The following FGFR3 variants were observed in gnomAD, a reference collection of about 807,000 sequenced individuals.
The protein encoded by FGFR3 is FGFR-3.
In FGFR3, 25 loss-of-function variants were observed where a neutral mutation model predicts 82.9. The observed-to-expected ratio is 0.30, with a 90% confidence interval of 0.22 to 0.42. The LOEUF (loss-of-function observed/expected upper bound fraction) is 0.42. Ranked by LOEUF, FGFR3 falls within the 10% of genes least tolerant of loss-of-function variation. FGFR3 has a pLI of 1.00. For missense variants in FGFR3, 1,026 were observed against 1,161.0 expected (o/e 0.88, Z 1.69); for synonymous variants, 620 against 516.0 (o/e 1.20, Z -2.73).
intron 2 of FGFR3, among the ~76,000 whole-genome samples, chr4:1,796,656 C>T (rs966662089): frequency 2.6e-5 from 4 of 152,198 alleles, no homozygotes; most frequent in African/African-American, 4.8e-5. Flanking sequence ...GCCATGCTCC[C>T]TCACATGCAC....
At chr4:1,796,075 A>T (rs1262330147) in intron 2 of FGFR3, among the ~76,000 whole-genome samples, 1 of 152,082 alleles carries the variant, frequency 6.6e-6, no homozygotes, top group African/African-American at 2.4e-5. Flanking sequence ...CTCCTGGAGG[A>T]CGGGGATCTA....
Position 1,807,192 on chromosome 4 carries a change from G to C in FGFR3, c.2351G>C (p.Gly784Ala), listed in dbSNP as rs1242141310. ...GACACCCCCAGCTCCAGCTCCTCAGGGGACGACTCCGTGTTTGCCCACGAC... is the reference window on the plus strand; with the variant it reads ...GACACCCCCAGCTCCAGCTCCTCAGCGGACGACTCCGTGTTTGCCCACGAC... Reference protein sequence around the residue: ...GQDTPSSSSSGDDSVFAHDLL... With the variant: ...GQDTPSSSSSADDSVFAHDLL... Residue 784 changes from glycine (G) to alanine (A), a missense_variant, in exon 18 of 18, where the codon GGG becomes GCG. This residue lies in a region of FGFR3 where 155 missense variants were observed against 150.2 expected (regional missense o/e 1.03). Transcript: ENST00000440486. 1 of 1,607,472 alleles carries C rather than the reference G, an allele frequency of 6.2e-7. No individual in the cohort carries two copies. Among genetic ancestry groups the C allele is most frequent in the East Asian group, 2.2e-5 (1 of 44,598 alleles).
rs562001821 is a variant in FGFR3, at chr4:1,795,215, G to A, written c.109+1172G>A. Among the ~76,000 whole-genome samples the A allele has an allele frequency of 2.5e-4, 38 of 152,252 alleles. 1 individual carries two copies. The South Asian group carries it at 7.7e-3, about 31-fold the overall frequency. Reference sequence around the variant, plus strand: ...AGGTCAGCGCGCGCTTTTAGCGTCTGCTCGGGCGGCCCCGCTTCCAGGGGT... The same window carrying A: ...AGGTCAGCGCGCGCTTTTAGCGTCTACTCGGGCGGCCCCGCTTCCAGGGGT... On this transcript the variant is annotated intron_variant, in intron 2 of 17. Coordinates refer to ENST00000440486, the MANE Select transcript of FGFR3 (RefSeq NM_000142.5).
In FGFR3 at chr4:1,805,343, C is replaced by T. The variant is rs758529700; in HGVS notation, c.1413-12C>T. The T allele has an allele frequency of 5.0e-6, 8 of 1,610,934 alleles. No individual in the cohort carries two copies. Among genetic ancestry groups the T allele is most frequent in the Non-Finnish European group, 6.8e-6 (8 of 1,179,882 alleles). On this transcript the variant is annotated splice_polypyrimidine_tract_variant and intron_variant, in intron 10 of 17. Coordinates refer to ENST00000440486, the MANE Select transcript of FGFR3 (RefSeq NM_000142.5). ...GTTTGCACACTCATGGTCCCTCTGC[C>T]TCCACTGCCAGGCTGACCCTGGGCA...
At chr4:1,795,059 G>GCCCGCGCC (rs1560388676) in intron 2 of FGFR3, among the ~76,000 whole-genome samples, 1 of 151,726 alleles carries the variant, frequency 6.6e-6, no homozygotes, top group South Asian at 2.1e-4. Flanking sequence ...CGTCCGCCCC[G>GCCCGCGCC]CCCGCGCCCC....
chr4:1,794,841 G>A (rs1308623246), intron 2 of FGFR3, among the ~76,000 whole-genome samples: 2 of 151,594 alleles, frequency 1.3e-5, no homozygotes, highest in Non-Finnish European at 2.9e-5. Context: ...AGGGGGGCGC[G>A]CACAGCTCAG....
chr4:1,800,921 C>T (rs865983137), intron 4 of FGFR3, among the ~76,000 whole-genome samples: 5 of 152,174 alleles, frequency 3.3e-5, no homozygotes, highest in South Asian at 4.1e-4. Flanking sequence ...TCTTGATTTC[C>T]GTGGGCCCAT....
At chr4:1,796,032 C>G (rs1471317379) in intron 2 of FGFR3, among the ~76,000 whole-genome samples, 1 of 152,202 alleles carries the variant, frequency 6.6e-6, no homozygotes, top group South Asian at 2.1e-4. Context: ...CTTGTTACAG[C>G]TGAGCTTGAG....
At chr4:1,806,389 C>T (rs1422287353) in intron 15 of FGFR3, 62 bp downstream of exon 15, 1 of 1,605,856 alleles carries the variant, frequency 6.2e-7, no homozygotes, top group Non-Finnish European at 8.5e-7. Flanking sequence ...GAGCCAGGAC[C>T]CCAGCTGCAG....
rs1488093518 is a variant in FGFR3, at chr4:1,805,866, C to G, written c.1762C>G (p.Gln588Glu). 2 of 1,612,724 alleles carry G rather than the reference C, an allele frequency of 1.2e-6. No individual in the cohort carries two copies. Among genetic ancestry groups the G allele is most frequent in the Non-Finnish European group, 1.7e-6 (2 of 1,179,860 alleles). ...CGACACCTGCAAGCCGCCCGAGGAG[C>G]AGCTCACCTTCAAGGACCTGGTGTC... ...SFDTCKPPEE[Q>E]LTFKDLVSCA... Residue 588 changes from glutamine to glutamate, a missense_variant, in exon 13 of 18, where the codon CAG becomes GAG. Around this residue, in one of 9 missense-constraint regions of FGFR3, gnomAD observed 164 missense variants for 167.5 expected, o/e 0.98. Coordinates refer to ENST00000440486, the MANE Select transcript of FGFR3 (RefSeq NM_000142.5).
intron 2 of FGFR3, among the ~76,000 whole-genome samples, chr4:1,797,933 G>A (rs1488627279): frequency 6.6e-6 from 1 of 152,162 alleles, no homozygotes; most frequent in African/African-American, 2.4e-5. Flanking sequence ...CTGGGCCCCC[G>A]AATCTAGGCC....
Position 1,793,894 on chromosome 4 carries a change from C to G in FGFR3, c.-41C>G, listed in dbSNP as rs1577253364. 5.4e-6 allele frequency: 5 copies of G among 923,282 alleles called. No individual in the cohort carries two copies. Among genetic ancestry groups the G allele is most frequent in the East Asian group, 4.9e-5 (1 of 20,566 alleles). The allele number at this position is 923,282 out of a possible 1,614,324, so 57.2% of individuals were successfully genotyped here. A position where few individuals can be genotyped will look rare whatever the true frequency, so the allele number is the denominator to read the frequency against. ...GCCGGGCCGTGGGGGGCAGCATGCC[C>G]GCGCGCGCTGCCTGAGGACGCCGCG... On this transcript the variant is annotated 5_prime_UTR_variant, in exon 2 of 18. Transcript: ENST00000440486.
In FGFR3 at chr4:1,807,456, C is replaced by T. The variant is rs2108820272; in HGVS notation, c.*194C>T. On this transcript the variant is annotated 3_prime_UTR_variant, in exon 18 of 18. Coordinates refer to ENST00000440486, the MANE Select transcript of FGFR3 (RefSeq NM_000142.5). ...GTGCCTGTGTGCGTGCGCATCTTGC[C>T]TCCAGGTGCAGAGGTACCCTGGGTG... 5 of 872,976 alleles carry T rather than the reference C, an allele frequency of 5.7e-6. No homozygotes were observed. Among genetic ancestry groups the T allele is most frequent in the Middle Eastern group, 2.3e-4 (1 of 4,344 alleles). The allele number at this position is 872,976 out of a possible 1,614,324, so 54.1% of individuals were successfully genotyped here.
At chr4:1,796,483 G>A (rs772696998) in intron 2 of FGFR3, among the ~76,000 whole-genome samples, 1 of 152,046 alleles carries the variant, frequency 6.6e-6, no homozygotes, top group African/African-American at 2.4e-5. Context: ...ATGTGCATCC[G>A]AAACCAGAAT....
At chr4:1,798,210 G>C (rs979492128) in intron 2 of FGFR3, among the ~76,000 whole-genome samples, 2 of 152,044 alleles carry the variant, frequency 1.3e-5, no homozygotes, top group African/African-American at 4.8e-5. Flanking sequence ...ATCTGCCCCT[G>C]TGGGTGGGCC....
Position 1,801,750 on chromosome 4 carries a change from GC to G in FGFR3, c.739+10del. 6.3e-7 allele frequency: 1 copy of G among 1,599,576 alleles called. No homozygotes were observed. Among genetic ancestry groups the G allele is most frequent in the Non-Finnish European group, 8.5e-7 (1 of 1,175,004 alleles). ...TACACGCTGGACGTGCTGGGTGAGG[GC>G]CCTGGGGCGGCGCGGGGGTGGGGGC... On this transcript the variant is annotated splice_region_variant and intron_variant, in intron 6 of 17. Transcript: ENST00000440486.
At chr4:1,804,786 C>G in intron 9 of FGFR3, 38 bp from the exon 10 acceptor site, 1 of 1,548,628 alleles carries the variant, frequency 6.5e-7, no homozygotes, top group South Asian at 1.2e-5. Flanking sequence ...CGCCCTGTCG[C>G]CCACGCGGCG....
intron 14 of FGFR3, 32 bp downstream of exon 14, chr4:1,806,205 G>T (rs1374024058): frequency 1.2e-6 from 2 of 1,612,872 alleles, no homozygotes; most frequent in East Asian, 2.2e-5. Context: ...GGGGGTGGGG[G>T]TCATGCCAGT....
In FGFR3 at chr4:1,801,489, A is replaced by C. The variant is rs1239039221; in HGVS notation, c.568A>C (p.Lys190Gln). ...GNPTPSISWL[K>Q]NGREFRGEHR... ...CCCCACTCCCTCCATCTCCTGGCTG[A>C]AGAACGGCAGGGAGTTCCGCGGCGA... Residue 190 changes from lysine to glutamine, a missense_variant, in exon 5 of 18, where the codon AAG (lysine) becomes CAG (glutamine). Physicochemically the swap from Lys to Gln is moderately conservative, Grantham distance 53 (BLOSUM62 1). Around this residue, in one of 9 missense-constraint regions of FGFR3, gnomAD observed 147 missense variants for 228.1 expected, o/e 0.64. Coordinates refer to ENST00000440486, the MANE Select transcript of FGFR3 (RefSeq NM_000142.5). 6.4e-7 allele frequency: 1 copy of C among 1,558,920 alleles called. No individual in the cohort carries two copies. The highest frequency in any genetic ancestry group is 8.7e-7 in the Non-Finnish European group (1 of 1,151,744).
Sources: gnomAD v4.1 joint callset for allele counts (sites outside exome capture counted in the v4.1 genomes callset) on GRCh38, gnomAD v4.1.1 for gene constraint, gnomAD v4.1.1 regional missense constraint, MANE v1.5 for transcripts, NCBI Gene and HGNC (gene_info 2026-07-23, HGNC 2026-07-21) for gene names.